The following TRIO variants were observed in gnomAD, a reference collection of about 807,000 sequenced individuals.
TRIO encodes the protein triple functional domain protein.
A neutral mutation model predicts 351.9 loss-of-function variants in TRIO; 58 were observed. The observed-to-expected ratio is 0.16, with a 90% CI of 0.13 to 0.21. The LOEUF (loss-of-function observed/expected upper bound fraction) is 0.21, where lower values mean the gene tolerates loss of function less well. Ranked by LOEUF, TRIO falls within the 10% of genes least tolerant of loss-of-function variation. The pLI is 1.00. For synonymous variants in TRIO, 1,758 were observed against 1,595.7 expected, an observed-to-expected ratio of 1.10 and a Z score of -2.42; for missense variants, 3,201 against 4,027.8, an observed-to-expected ratio of 0.79 and a Z score of 5.56.
intron 34 of TRIO, among the ~76,000 whole-genome samples, chr5:14,455,385 CGTAAAA>C (rs1464628284): frequency 1.3e-5 from 2 of 151,974 alleles, no homozygotes; most frequent in East Asian, 3.9e-4. Flanking sequence ...TCTAGCTAGA[CGTAAAA>C]GTTCTCCAAG....
At chr5:14,507,393 C>A (rs1757772611) in intron 56 of TRIO, 133 bp downstream of exon 56, 1 of 1,283,698 alleles carries the variant, frequency 7.8e-7, no homozygotes, top group African/African-American at 1.6e-5. Flanking sequence ...TGGGGCAGCG[C>A]AGACACTGAT....
At chr5:14,442,502 G>C (rs1752137999) in intron 34 of TRIO, among the ~76,000 whole-genome samples, 1 of 152,222 alleles carries the variant, frequency 6.6e-6, no homozygotes. Flanking sequence ...AGAGTTGGCT[G>C]CGTGAATGTT....
rs564527322 is a variant in TRIO at position 14,159,655 on chromosome 5, A to G, written c.157+15773A>G. 2.7e-5 allele frequency among the ~76,000 whole-genome samples: 4 copies of G among 150,516 alleles called. No individual in the cohort carries two copies. In the South Asian group the frequency reaches 8.4e-4, roughly 32 times the overall value. Reference sequence around the variant, plus strand: ...ACGACCTCGGCTCACTGCAACCTCCATCTCCTGAGCGATACTCCTGCCTCA... The same window carrying G: ...ACGACCTCGGCTCACTGCAACCTCCGTCTCCTGAGCGATACTCCTGCCTCA... On this transcript the variant is annotated intron_variant, in intron 1 of 56. Transcript: ENST00000344204.
chr5:14,461,041 T>C lies in TRIO; in HGVS notation c.5226T>C (p.Asn1742=). ...NHKDSLSVSS[N]DASPPASVAS... ...CAGACTCGCTCTCCGTCTCCAGCAATGACGCCAGTCCACCCGCATCCGTGG... is the reference window on the plus strand; with the variant it reads ...CAGACTCGCTCTCCGTCTCCAGCAACGACGCCAGTCCACCCGCATCCGTGG... The change falls in exon 35 of 57, where the codon AAT becomes AAC. Residue 1742 remains asparagine, a synonymous_variant. Coordinates refer to ENST00000344204, the MANE Select transcript of TRIO (RefSeq NM_007118.4). 1.3e-6 allele frequency: 2 copies of C among 1,580,412 alleles called. No homozygotes were observed. The highest frequency in any genetic ancestry group is 1.7e-6 in the Non-Finnish European group (2 of 1,162,418).
chr5:14,192,333 C>T (rs1790511208), intron 1 of TRIO, among the ~76,000 whole-genome samples: 1 of 151,686 alleles, frequency 6.6e-6, no homozygotes, highest in Admixed American at 6.6e-5. Flanking sequence ...AATCTTGGCC[C>T]ACTGCAACTT....
rs901721719 is a variant in TRIO, at chr5:14,328,199, G to A, written c.1732-2579G>A. 7.2e-5 allele frequency among the ~76,000 whole-genome samples: 11 copies of A among 152,010 alleles called. 1 individual carries two copies. Among genetic ancestry groups the A allele is most frequent in the Non-Finnish European group, 1.5e-4 (10 of 68,016 alleles). On this transcript the variant is annotated intron_variant, in intron 9 of 56. Transcript: ENST00000344204. ...CACTCAATACACCAGTTAAAACAAC[G>A]CGCTCAATACATGAGTTAAAGTAAT...
intron 37 of TRIO, among the ~76,000 whole-genome samples, chr5:14,469,769 G>A (rs1303472646): frequency 6.6e-6 from 1 of 152,208 alleles, no homozygotes; most frequent in African/African-American, 2.4e-5. Flanking sequence ...CGAGGGGCCT[G>A]GGGACTCCAT....
At chr5:14,364,588 C>T (rs2152341104) in intron 14 of TRIO, 62 bp from the exon 15 acceptor site, 1 of 1,538,968 alleles carries the variant, frequency 6.5e-7, no homozygotes, top group Non-Finnish European at 8.8e-7. Context: ...TGCCATCCAC[C>T]CTTTGAGAAC....
intron 53 of TRIO, among the ~76,000 whole-genome samples, chr5:14,499,961 G>A (rs1289533231): frequency 6.8e-6 from 1 of 147,058 alleles, no homozygotes. Context: ...TGAGGCAGGA[G>A]AATCACTTGA....
intron 1 of TRIO, among the ~76,000 whole-genome samples, chr5:14,264,661 T>G (rs957667308): frequency 2.0e-5 from 3 of 152,200 alleles, no homozygotes; most frequent in African/African-American, 7.2e-5. Context: ...TTAAAATGCC[T>G]CCTTCCTATG....
At chr5:14,329,952 C>T (rs527656552) in intron 9 of TRIO, among the ~76,000 whole-genome samples, 16 of 152,180 alleles carry the variant, frequency 1.1e-4, no homozygotes, top group Admixed American at 1.0e-3. Context: ...GTTGTGGATG[C>T]GGAACCCTTC....
chr5:14,481,975 C>T (rs769207444), intron 45 of TRIO, among the ~76,000 whole-genome samples: 4 of 151,930 alleles, frequency 2.6e-5, no homozygotes, highest in Non-Finnish European at 4.4e-5. Flanking sequence ...GGTCCCCACT[C>T]TCTCATCTCT....
chr5:14,353,607 T>C (rs997070184), intron 11 of TRIO, among the ~76,000 whole-genome samples: 1 of 152,082 alleles, frequency 6.6e-6, no homozygotes, highest in African/African-American at 2.4e-5. Context: ...GCCCATTTTA[T>C]AGATGAGAAA....
chr5:14,246,488 T>C (rs950492073), intron 1 of TRIO, among the ~76,000 whole-genome samples: 3 of 152,238 alleles, frequency 2.0e-5, no homozygotes, highest in African/African-American at 7.2e-5. Flanking sequence ...AGGCAGACCC[T>C]GTGGCTGTCA....
chr5:14,323,430 T>C (rs891121295), intron 9 of TRIO, among the ~76,000 whole-genome samples: 6 of 152,162 alleles, frequency 3.9e-5, no homozygotes, highest in Non-Finnish European at 8.8e-5. Context: ...GAAGAAAGAA[T>C]CTTTGAGTGG....
At chr5:14,248,977 T>C (rs1794595498) in intron 1 of TRIO, among the ~76,000 whole-genome samples, 1 of 152,188 alleles carries the variant, frequency 6.6e-6, no homozygotes, top group African/African-American at 2.4e-5. Context: ...TTTGCTGAGC[T>C]TCTGTCCAGG....
chr5:14,300,446 A>G (rs942523225), intron 7 of TRIO, among the ~76,000 whole-genome samples: 2 of 152,224 alleles, frequency 1.3e-5, no homozygotes, highest in African/African-American at 2.4e-5. Flanking sequence ...CATGTGGCCA[A>G]TGGCTGCTGT....
intron 49 of TRIO, among the ~76,000 whole-genome samples, chr5:14,493,239 G>T (rs986121444): frequency 6.6e-6 from 1 of 152,142 alleles, no homozygotes; most frequent in Admixed American, 6.5e-5. Flanking sequence ...GTGCGGAGAT[G>T]TTGGCATAGA....
intron 48 of TRIO, among the ~76,000 whole-genome samples, chr5:14,491,512 C>T (rs114217083): frequency 0.016 from 2,415 of 152,280 alleles, 22 homozygotes; most frequent in Non-Finnish European, 0.025. Context: ...CAGCTTCAGG[C>T]GTTGGCAGGG....
Sources: allele counts gnomAD v4.1 joint callset (sites outside exome capture counted in the v4.1 genomes callset), GRCh38; gene constraint gnomAD v4.1.1; transcripts MANE v1.5; gene names NCBI Gene and HGNC (gene_info 2026-07-23, HGNC 2026-07-21).